The following RBFOX3 variants were observed in gnomAD, a reference collection of about 807,000 sequenced individuals.
The protein encoded by RBFOX3 is RNA binding fox-1 homolog 3.
A neutral mutation model predicts 48.7 loss-of-function variants in RBFOX3; 17 were observed. That is an observed-to-expected ratio of 0.35 (90% confidence interval 0.24 to 0.52). RBFOX3 has a LOEUF of 0.52. Among genes scored for constraint, RBFOX3 ranks in the 20% least tolerant of loss-of-function variants. The probability of loss-of-function intolerance (pLI) is 0.94; values close to 1 mark genes in which losing one functional copy is unlikely to be tolerated. For synonymous variants in RBFOX3, 212 were observed against 209.5 expected, an observed-to-expected ratio of 1.01 and a Z score of -0.10; for missense variants, 382 against 497.5, an observed-to-expected ratio of 0.77 and a Z score of 2.21.
intron 4 of RBFOX3, among the ~76,000 whole-genome samples, chr17:79,227,650 A>G (rs563944225): frequency 3.9e-5 from 6 of 152,142 alleles, no homozygotes; most frequent in African/African-American, 1.2e-4. Flanking sequence ...CATGGCTTAT[A>G]ACTGGAGCAC....
Position 79,482,294 on chromosome 17 carries a change from A to G in RBFOX3, c.-175+160T>C, listed in dbSNP as rs2078889861. Among the ~76,000 whole-genome samples the G allele has an allele frequency of 6.6e-6, 1 of 151,620 alleles. No individual in the cohort carries two copies. The highest frequency in any genetic ancestry group is 2.4e-5 in the African/African-American group (1 of 41,202). ...GGCGTCCGTCGATGTTCCCCCTCCT[A>G]CTCCACAAAGACACCATGACTTGAA... On this transcript the variant is annotated intron_variant, in intron 2 of 14. Coordinates refer to ENST00000693108, the MANE Select transcript of RBFOX3 (RefSeq NM_001350451.2). The surrounding 1 kb of genome is among the most constrained non-coding windows in gnomAD (Gnocchi z 4.1).
At position 79,473,457 on chromosome 17, in the gene RBFOX3, T is replaced by C. The variant is rs2077296873; in HGVS notation, c.-175+8997A>G. 6.6e-6 allele frequency among the ~76,000 whole-genome samples: 1 copy of C among 152,250 alleles called. No individual in the cohort carries two copies. The highest frequency in any genetic ancestry group is 2.4e-5 in the African/African-American group (1 of 41,474). ...CCTCGGGTAAGATAACCTGCTCACA[T>C]GTGTCATTCAGGGACGTCAGCCTGA... On this transcript the variant is annotated intron_variant, in intron 2 of 14. Coordinates refer to ENST00000693108, the MANE Select transcript of RBFOX3 (RefSeq NM_001350451.2). This position sits in a 1 kb window ranked among gnomAD's most constrained non-coding sequence, Gnocchi z 4.2.
chr17:79,613,721 C>G (rs1356732987), upstream of RBFOX3, among the ~76,000 whole-genome samples: 4 of 152,178 alleles, frequency 2.6e-5, no homozygotes, highest in African/African-American at 9.7e-5. Flanking sequence ...AGCCTGTAAT[C>G]CCAGCACTTT....
chr17:79,350,247 G>A (rs764150982), intron 2 of RBFOX3, among the ~76,000 whole-genome samples: 11 of 152,194 alleles, frequency 7.2e-5, no homozygotes, highest in East Asian at 3.9e-4. Flanking sequence ...GCCCCATCCC[G>A]CCTCTCCAGT....
rs1350685128 is a variant in RBFOX3 at position 79,176,498 on chromosome 17, C to T, written c.-34+59268G>A. The stretch of plus-strand genomic sequence containing the variant: ...CTGGGTCTCCTTCCAGAGCCGAACT[C>T]GCTGCCCCGGAGGGACTGTGAAACC... On this transcript the variant is annotated intron_variant, in intron 4 of 14. Coordinates refer to ENST00000693108, the MANE Select transcript of RBFOX3 (RefSeq NM_001350451.2). 7.2e-5 allele frequency among the ~76,000 whole-genome samples: 11 copies of T among 152,370 alleles called. No homozygotes were observed. The East Asian group carries it at 1.9e-3, about 27-fold the overall frequency.
chr17:79,517,517 A>G (rs1255321196), intron 1 of RBFOX3, among the ~76,000 whole-genome samples: 1 of 146,424 alleles, frequency 6.8e-6, no homozygotes, highest in African/African-American at 2.5e-5. Flanking sequence ...GACGAAAGGA[A>G]GAGTTCTGAA....
chr17:79,118,143 T>G (rs760310455), intron 4 of RBFOX3, among the ~76,000 whole-genome samples: 1 of 152,006 alleles, frequency 6.6e-6, no homozygotes, highest in Non-Finnish European at 1.5e-5. Context: ...GCCGTCTCGG[T>G]GCTCGCCACC....
chr17:79,544,975 C>CAAAAAAAA (rs10584963), intron 1 of RBFOX3, among the ~76,000 whole-genome samples: 3 of 81,624 alleles, frequency 3.7e-5, no homozygotes, highest in Admixed American at 1.3e-4. Flanking sequence ...TCATTAAGGG[C>CAAAAAAAA]AAAAAAAAAA....
chr17:79,460,313 C>T (rs2075210507), intron 2 of RBFOX3, among the ~76,000 whole-genome samples: 1 of 152,098 alleles, frequency 6.6e-6, no homozygotes, highest in South Asian at 2.1e-4. Flanking sequence ...CTCTTCTGCT[C>T]CCAGGTGAGT....
chr17:79,451,365 G>A (rs569021294), intron 2 of RBFOX3, among the ~76,000 whole-genome samples: 6 of 152,304 alleles, frequency 3.9e-5, no homozygotes, highest in East Asian at 1.9e-4. Flanking sequence ...CCGGGAAGAC[G>A]TTGTCACCTC....
In RBFOX3 at chr17:79,195,459, A is replaced by T. The variant is rs1376785584; in HGVS notation, c.-34+40307T>A. 6.6e-6 allele frequency among the ~76,000 whole-genome samples: 1 copy of T among 152,056 alleles called. No homozygotes were observed. The highest frequency in any genetic ancestry group is 1.5e-5 in the Non-Finnish European group (1 of 68,008). The stretch of plus-strand genomic sequence containing the variant: ...TGCAAAGCCAACTGGGTCTCTTCTT[A>T]GAGTAAGGCCGCACGCAAGTCTGTG... On this transcript the variant is annotated intron_variant, in intron 4 of 14. Transcript: ENST00000693108. This position sits in a 1 kb window ranked among gnomAD's most constrained non-coding sequence, Gnocchi z 5.3.
chr17:79,202,917 C>T (rs894329225), intron 4 of RBFOX3, among the ~76,000 whole-genome samples: 2 of 152,178 alleles, frequency 1.3e-5, no homozygotes, highest in Admixed American at 6.5e-5. Context: ...ACATGGAGCC[C>T]CGAGGGGCTA....
chr17:79,465,659 C>T (rs191317655), intron 2 of RBFOX3, among the ~76,000 whole-genome samples: 149 of 152,350 alleles, frequency 9.8e-4, no homozygotes, highest in Non-Finnish European at 5.3e-4. Context: ...GCCTCAGCCT[C>T]GGAGGAGCAG....
At chr17:79,573,027 T>G (rs953806284) in intron 1 of RBFOX3, among the ~76,000 whole-genome samples, 3 of 152,238 alleles carry the variant, frequency 2.0e-5, no homozygotes, top group African/African-American at 4.8e-5. Flanking sequence ...ATTGTGTATC[T>G]GCAATTCCAG....
At position 79,242,263 on chromosome 17, in the gene RBFOX3, A is replaced by G. The variant is rs540500749; in HGVS notation, c.-73-6458T>C. On this transcript the variant is annotated intron_variant, in intron 3 of 14. Transcript: ENST00000693108. The surrounding 1 kb of genome is among the most constrained non-coding windows in gnomAD (Gnocchi z 5.8). ...GGGCAGGCCGTATGGAGGGTCCTCG[A>G]GGCAGCTTTGAGAAACTCCCAGTGC... Among the ~76,000 whole-genome samples, 11 of 152,264 alleles carry G rather than the reference A, an allele frequency of 7.2e-5. No individual in the cohort carries two copies. The highest frequency in any genetic ancestry group is 1.3e-4 in the Non-Finnish European group (9 of 68,016).
chr17:79,150,014 A>G (rs1290161065), intron 4 of RBFOX3, among the ~76,000 whole-genome samples: 3 of 5,830 alleles, frequency 5.1e-4, no homozygotes, highest in African/African-American at 7.0e-4. Flanking sequence ...GGGGATGGGG[A>G]TGGGGGTTGA....
chr17:79,450,709 A>G (rs1361906437), intron 2 of RBFOX3, among the ~76,000 whole-genome samples: 2 of 152,122 alleles, frequency 1.3e-5, no homozygotes, highest in African/African-American at 4.8e-5. Flanking sequence ...TTAGCAACTC[A>G]TCGTGATCCA....
At chr17:79,656,887 A>G in the RBFOX3 span, among the ~76,000 whole-genome samples, 19 of 134,114 alleles carry the variant, frequency 1.4e-4, 1 homozygote, top group Middle Eastern at 3.8e-3. Context: ...GAAGGAAGGA[A>G]GGAAGGAGGG....
chr17:79,161,485 C>A (rs766077864), intron 4 of RBFOX3, among the ~76,000 whole-genome samples: 1 of 152,250 alleles, frequency 6.6e-6, no homozygotes, highest in Non-Finnish European at 1.5e-5. Context: ...CGTCTTCCTG[C>A]AACTTAACCC....
Sources: allele counts gnomAD v4.1 joint callset (sites outside exome capture counted in the v4.1 genomes callset), GRCh38; gene constraint gnomAD v4.1.1; non-coding constraint Gnocchi (gnomAD v3.1); transcripts MANE v1.5; gene names NCBI Gene and HGNC (gene_info 2026-07-23, HGNC 2026-07-21).